The following SEMA3D variants were observed in gnomAD, a reference collection of about 807,000 sequenced individuals.
The protein encoded by SEMA3D is semaphorin-3D.
In SEMA3D, 84 loss-of-function variants were observed where a neutral mutation model predicts 100.1. That is an observed-to-expected ratio of 0.84 (90% CI 0.70 to 1.01). The LOEUF (loss-of-function observed/expected upper bound fraction) is 1.01, where lower values mean the gene tolerates loss of function less well. SEMA3D is among the 50% of genes least tolerant of loss of function. SEMA3D has a pLI of 0.00. For synonymous variants in SEMA3D, 312 were observed against 320.7 expected (o/e 0.97, Z 0.29); for missense variants, 875 against 934.1 (o/e 0.94, Z 0.82).
At chr7:85,038,163 G>A (rs1002141111) in intron 11 of SEMA3D, among the ~76,000 whole-genome samples, 6 of 152,002 alleles carry the variant, frequency 3.9e-5, no homozygotes, top group Non-Finnish European at 7.4e-5. Flanking sequence ...TAACCTGCAC[G>A]TTGTGCACAT....
chr7:85,130,525 C>T (rs981508730), intron 2 of SEMA3D, among the ~76,000 whole-genome samples: 8 of 152,100 alleles, frequency 5.3e-5, no homozygotes, highest in East Asian at 1.9e-4. Context: ...GGCCCAGAAA[C>T]GAGCTGGATG....
At chr7:85,099,361 C>G (rs1788673659) in intron 3 of SEMA3D, among the ~76,000 whole-genome samples, 1 of 151,934 alleles carries the variant, frequency 6.6e-6, no homozygotes, top group Non-Finnish European at 1.5e-5. Context: ...GGCTCTCATT[C>G]TCTCTTGTCT....
intron 8 of SEMA3D, among the ~76,000 whole-genome samples, chr7:85,057,819 T>G (rs1394227184): frequency 2.6e-5 from 4 of 152,006 alleles, no homozygotes; most frequent in Non-Finnish European, 5.9e-5. Context: ...TAATCCCAGC[T>G]ACTTGGGAGG....
At chr7:85,182,188 TACAA>T (rs961184104) in intron 1 of SEMA3D, among the ~76,000 whole-genome samples, 2 of 152,104 alleles carry the variant, frequency 1.3e-5, no homozygotes, top group Non-Finnish European at 2.9e-5. Flanking sequence ...TTCCAAAAAT[TACAA>T]ACAATTTTTA....
chr7:85,065,367 T>G, intron 8 of SEMA3D, 57 bp downstream of exon 8: 3 of 1,500,620 alleles, frequency 2.0e-6, no homozygotes, highest in Non-Finnish European at 9.2e-7. Flanking sequence ...AATACACTTC[T>G]TATCTATCTT....
chr7:85,144,014 G>A (rs1304721639), intron 2 of SEMA3D, among the ~76,000 whole-genome samples: 2 of 151,800 alleles, frequency 1.3e-5, no homozygotes, highest in Non-Finnish European at 2.9e-5. Flanking sequence ...CCTGGCCCGA[G>A]ACTTGTAATT....
intron 1 of SEMA3D, among the ~76,000 whole-genome samples, chr7:85,166,635 G>A (rs1234980502): frequency 6.6e-6 from 1 of 151,894 alleles, no homozygotes; most frequent in East Asian, 1.9e-4. Flanking sequence ...AAAGCAAATT[G>A]CCCAAGGCTA....
At chr7:85,078,013 T>A (rs990930617) in intron 5 of SEMA3D, among the ~76,000 whole-genome samples, 8 of 152,128 alleles carry the variant, frequency 5.3e-5, no homozygotes, top group African/African-American at 1.4e-4. Context: ...TTAAAGAATT[T>A]AATGACATGG....
intron 4 of SEMA3D, among the ~76,000 whole-genome samples, chr7:85,096,416 C>CT (rs1014355538): frequency 1.1e-4 from 16 of 151,882 alleles, no homozygotes; most frequent in Non-Finnish European, 1.3e-4. Context: ...CTACCAGATA[C>CT]TTTAATTTTT....
At chr7:85,033,457 C>T (rs1351223375) in intron 12 of SEMA3D, among the ~76,000 whole-genome samples, 1 of 152,022 alleles carries the variant, frequency 6.6e-6, no homozygotes, top group African/African-American at 2.4e-5. Context: ...GTGACAACCA[C>T]CACTTGTAAA....
intron 14 of SEMA3D, 79 bp from the exon 15 acceptor site, chr7:85,018,372 G>T (rs1790163440): frequency 1.2e-6 from 1 of 864,892 alleles, no homozygotes; most frequent in Non-Finnish European, 1.9e-6. Context: ...TTTATCTGAT[G>T]CCATATATCA....
intron 4 of SEMA3D, among the ~76,000 whole-genome samples, chr7:85,084,713 A>T (rs568649714): frequency 6.6e-6 from 1 of 151,994 alleles, no homozygotes; most frequent in African/African-American, 2.4e-5. Flanking sequence ...TCACCCAGGT[A>T]TTAAGCCTAG....
chr7:85,179,685 G>A (rs1487856842), intron 1 of SEMA3D, among the ~76,000 whole-genome samples: 2 of 147,696 alleles, frequency 1.4e-5, no homozygotes, highest in African/African-American at 2.5e-5. Flanking sequence ...TTTTTGAGAC[G>A]GAATCTCGCT....
chr7:85,164,192 C>T lies in SEMA3D; in HGVS notation c.-172-10453G>A, dbSNP rs540607421. 1.8e-4 allele frequency among the ~76,000 whole-genome samples: 28 copies of T among 152,202 alleles called. No individual in the cohort carries two copies. The South Asian group carries it at 5.0e-3, about 27-fold the overall frequency. ...GAGCAAAAGTATGTCCTTTTCATAA[C>T]GTTGCTACATGGGAGCCTTCACTGA... On this transcript the variant is annotated intron_variant, in intron 1 of 18. Transcript: ENST00000284136.
chr7:85,250,004 G>C, the SEMA3D span, among the ~76,000 whole-genome samples: 1 of 152,052 alleles, frequency 6.6e-6, no homozygotes, highest in African/African-American at 2.4e-5. Context: ...CAGGTCAGCG[G>C]GTGCACGCAC....
intron 5 of SEMA3D, among the ~76,000 whole-genome samples, chr7:85,078,212 G>C (rs997701692): frequency 1.3e-5 from 2 of 151,428 alleles, no homozygotes; most frequent in Non-Finnish European, 2.9e-5. Context: ...TTCTTTTTTT[G>C]CTTGTATATA....
At chr7:85,076,130 CCAAA>C (rs1379127451) in intron 5 of SEMA3D, among the ~76,000 whole-genome samples, 2 of 152,116 alleles carry the variant, frequency 1.3e-5, no homozygotes, top group African/African-American at 4.8e-5. Context: ...TTGCATGTGA[CCAAA>C]CAATCCAGGG....
intron 1 of SEMA3D, among the ~76,000 whole-genome samples, chr7:85,180,828 G>C (rs1328603606): frequency 1.3e-5 from 2 of 152,116 alleles, no homozygotes; most frequent in African/African-American, 2.4e-5. Flanking sequence ...TTCTCATGCT[G>C]TAACAGTTTC....
rs150123202 is a variant in SEMA3D, at chr7:85,144,381, A to G, written c.-41+9227T>C. 6.1e-4 allele frequency: 459 copies of G among 752,874 alleles called. 2 individuals carry two copies. The African/African-American group carries it at 7.9e-3, about 13-fold the overall frequency. The allele number at this position is 752,874 out of a possible 1,614,324, so 46.6% of individuals were successfully genotyped here. A position where few individuals can be genotyped will look rare whatever the true frequency, so the allele number is the denominator to read the frequency against. ...TTAAATTAATTAAATTAAATAACAT[A>G]AAAGTTGAATTTAAAGCTAGCTTTG... On this transcript the variant is annotated intron_variant, in intron 2 of 18. Transcript: ENST00000284136.
Sources: allele counts gnomAD v4.1 joint callset (sites outside exome capture counted in the v4.1 genomes callset), GRCh38; gene constraint gnomAD v4.1.1; transcripts MANE v1.5; gene names NCBI Gene and HGNC (gene_info 2026-07-23, HGNC 2026-07-21).